The following ZFHX4 variants were observed in gnomAD, a reference collection of about 807,000 sequenced individuals.
ZFHX4 encodes the protein zinc finger homeobox protein 4.
Under a neutral mutation model 267.6 loss-of-function variants are expected in ZFHX4, and 56 were observed. The ratio of observed to expected loss-of-function variants is 0.21; its 90% CI spans 0.17 to 0.26. ZFHX4 has a LOEUF of 0.26. Ranked by LOEUF, ZFHX4 falls within the 10% of genes least tolerant of loss-of-function variation. The pLI, the probability that ZFHX4 is intolerant of heterozygous loss-of-function variation, is 1.00. For synonymous variants in ZFHX4, 1,778 were observed against 1,665.6 expected (o/e 1.07, Z -1.64); for missense variants, 4,332 against 4,420.0 (o/e 0.98, Z 0.56).
At chr8:76,801,538 A>G (rs914792159) in intron 4 of ZFHX4, among the ~76,000 whole-genome samples, 1 of 152,188 alleles carries the variant, frequency 6.6e-6, no homozygotes, top group African/African-American at 2.4e-5. Context: ...CAGGTGCTTC[A>G]ACCATTTTCT....
Position 76,681,594 on chromosome 8 carries a change from G to T in ZFHX4, c.-73G>T, listed in dbSNP as rs980512483. On this transcript the variant is annotated 5_prime_UTR_variant, in exon 1 of 11. Coordinates refer to ENST00000651372, the MANE Select transcript of ZFHX4 (RefSeq NM_024721.5). ...GCAAAACAAAAAAGAGGCGAAGATC[G>T]AGTAGGAACTGCAGGGGAAATGGAA... 5.0e-6 allele frequency: 2 copies of T among 397,922 alleles called. No individual in the cohort carries two copies. The highest frequency in any genetic ancestry group is 8.9e-6 in the Non-Finnish European group (2 of 225,878). The allele number at this position is 397,922 out of a possible 1,614,324, so 24.6% of individuals were successfully genotyped here. A position where few individuals can be genotyped will look rare whatever the true frequency, so the allele number is the denominator to read the frequency against.
chr8:76,684,187 A>C (rs1807631504), intron 1 of ZFHX4, among the ~76,000 whole-genome samples: 1 of 151,710 alleles, frequency 6.6e-6, no homozygotes, highest in Non-Finnish European at 1.5e-5. Flanking sequence ...TGTGTTTTGG[A>C]GTTTTCCTTT....
intron 4 of ZFHX4, among the ~76,000 whole-genome samples, chr8:76,824,723 C>A (rs1811740481): frequency 6.6e-6 from 1 of 152,044 alleles, no homozygotes; most frequent in Admixed American, 6.6e-5. Context: ...CAGGCATGTG[C>A]CACTCTACCT....
intron 6 of ZFHX4, among the ~76,000 whole-genome samples, chr8:76,847,382 C>A (rs1351755795): frequency 1.3e-5 from 2 of 152,102 alleles, no homozygotes; most frequent in African/African-American, 4.8e-5. Flanking sequence ...GATTTAAGTT[C>A]ATTCAAATTC....
At position 76,762,791 on chromosome 8, in the gene ZFHX4, C is replaced by T. The variant is rs1809951112; in HGVS notation, c.3094-15417C>T. Among the ~76,000 whole-genome samples the T allele has an allele frequency of 3.3e-5, 5 of 152,244 alleles. No homozygotes were observed. The South Asian group carries it at 6.2e-4, about 19-fold the overall frequency. Reference sequence around the variant, plus strand: ...TATGCCTAAAACATATTGTAATCATCGTATTGACTCTCTCAATAGGTAACA... The same window carrying T: ...TATGCCTAAAACATATTGTAATCATTGTATTGACTCTCTCAATAGGTAACA... On this transcript the variant is annotated intron_variant, in intron 3 of 10. Transcript: ENST00000651372.
chr8:76,793,491 A>G (rs1196750766), intron 4 of ZFHX4, among the ~76,000 whole-genome samples: 2 of 152,192 alleles, frequency 1.3e-5, no homozygotes, highest in African/African-American at 4.8e-5. Context: ...ATGCAAATTC[A>G]TATCTCTACA....
At chr8:76,800,459 G>C (rs888825596) in intron 4 of ZFHX4, among the ~76,000 whole-genome samples, 1 of 152,164 alleles carries the variant, frequency 6.6e-6, no homozygotes, top group Admixed American at 6.6e-5. Flanking sequence ...CTTGAAGATA[G>C]GCATTTCCTC....
chr8:76,857,888 C>T (rs1446887344), intron 10 of ZFHX4, among the ~76,000 whole-genome samples: 1 of 151,128 alleles, frequency 6.6e-6, no homozygotes, highest in Non-Finnish European at 1.5e-5. Flanking sequence ...TTTCTGGTCC[C>T]ATTTTATATA....
chr8:76,750,274 G>C (rs1472522522), intron 3 of ZFHX4, among the ~76,000 whole-genome samples: 1 of 152,058 alleles, frequency 6.6e-6, no homozygotes, highest in South Asian at 2.1e-4. Context: ...TGTATATAAA[G>C]ATTTACATTT....
chr8:76,776,026 T>C (rs902411291), intron 3 of ZFHX4, among the ~76,000 whole-genome samples: 4 of 151,848 alleles, frequency 2.6e-5, no homozygotes, highest in African/African-American at 9.7e-5. Context: ...TTCTAGACAG[T>C]GCAGATTTGA....
intron 3 of ZFHX4, among the ~76,000 whole-genome samples, chr8:76,734,928 G>C (rs1226559672): frequency 6.6e-6 from 1 of 151,964 alleles, no homozygotes; most frequent in Non-Finnish European, 1.5e-5. Context: ...TTAACAGTGG[G>C]GATCCCATTC....
chr8:76,691,812 G>C (rs1807831842), intron 1 of ZFHX4, among the ~76,000 whole-genome samples: 1 of 152,070 alleles, frequency 6.6e-6, no homozygotes, highest in African/African-American at 2.4e-5. Context: ...CCTGATAACT[G>C]ATCCGTATGT....
chr8:76,699,775 C>CA (rs1808054681), intron 1 of ZFHX4, among the ~76,000 whole-genome samples: 3 of 141,400 alleles, frequency 2.1e-5, no homozygotes, highest in Admixed American at 2.1e-4. Flanking sequence ...AGCCAAAATT[C>CA]TTTTTTTTTT....
At position 76,713,730 on chromosome 8, in the gene ZFHX4, A is replaced by G. The variant is rs929808113; in HGVS notation, c.3093+5682A>G. On this transcript the variant is annotated intron_variant, in intron 3 of 10. Transcript: ENST00000651372. ...AGCAGAGTCGTGCCTCCAAAGGTGT[A>G]ATTGACTTAGAAGTCTTTTTCAGCG... Among the ~76,000 whole-genome samples, 6 of 152,300 alleles carry G rather than the reference A, an allele frequency of 3.9e-5. No individual in the cohort carries two copies. The South Asian group carries it at 6.2e-4, about 16-fold the overall frequency.
At chr8:76,842,871 G>T (rs1812272849) in intron 6 of ZFHX4, 100 bp downstream of exon 6, 1 of 782,966 alleles carries the variant, frequency 1.3e-6, no homozygotes, top group South Asian at 1.9e-5. Flanking sequence ...CTTATTAAAA[G>T]CTTTTATTCA....
chr8:76,684,213 A>C (rs1012041510), intron 1 of ZFHX4, among the ~76,000 whole-genome samples: 1 of 152,050 alleles, frequency 6.6e-6, no homozygotes, highest in African/African-American at 2.4e-5. Context: ...TGAAGAGCAT[A>C]TTAAAGAGAA....
chr8:76,849,254 T>C (rs1369680251), intron 7 of ZFHX4, 126 bp downstream of exon 7: 9 of 1,122,828 alleles, frequency 8.0e-6, no homozygotes, highest in East Asian at 5.2e-5. Context: ...AATGTAACTC[T>C]TGGTATTACC....
chr8:76,772,601 C>G (rs1209597066), intron 3 of ZFHX4, among the ~76,000 whole-genome samples: 1 of 152,120 alleles, frequency 6.6e-6, no homozygotes, highest in African/African-American at 2.4e-5. Context: ...GCCATACTAC[C>G]AGACTACTCT....
At chr8:76,803,228 A>T (rs1238374570) in intron 4 of ZFHX4, among the ~76,000 whole-genome samples, 1 of 151,806 alleles carries the variant, frequency 6.6e-6, no homozygotes, top group Non-Finnish European at 1.5e-5. Flanking sequence ...GAAGAATATA[A>T]ATCAATATTG....
Sources: allele counts gnomAD v4.1 joint callset (sites outside exome capture counted in the v4.1 genomes callset), GRCh38; gene constraint gnomAD v4.1.1; transcripts MANE v1.5; gene names NCBI Gene and HGNC (gene_info 2026-07-23, HGNC 2026-07-21).